The following ZXDC variants were observed in gnomAD, a reference collection of about 807,000 sequenced individuals.
ZXDC encodes the protein ZXD family zinc finger C, also known as zinc finger protein ZXDC.
ZXDC carries 58 observed loss-of-function variants against 63.6 expected under a neutral mutation model. The observed-to-expected ratio is 0.91, with a 90% CI of 0.74 to 1.13. The LOEUF is 1.13. ZXDC is among the 50% of genes most tolerant of loss of function. The pLI, the probability that ZXDC is intolerant of heterozygous loss-of-function variation, is 0.00. For synonymous variants in ZXDC, 561 were observed against 496.1 expected, an observed-to-expected ratio of 1.13 and a Z score of -1.74; for missense variants, 1,133 against 1,148.9, an observed-to-expected ratio of 0.99 and a Z score of 0.20.
chr3:126,465,996 T>A (rs954324457), intron 5 of ZXDC, among the ~76,000 whole-genome samples, 159 bp downstream of exon 5: 1 of 152,148 alleles, frequency 6.6e-6, no homozygotes, highest in Admixed American at 6.5e-5. Flanking sequence ...GGCAAGAAAG[T>A]GGCAGAGAGT....
intron 7 of ZXDC, chr3:126,451,812 T>C (rs1054023803): frequency 1.3e-5 from 13 of 985,262 alleles, no homozygotes; most frequent in Middle Eastern, 5.2e-4. Context: ...GCTGATACAC[T>C]CTGGGAAATG....
rs377138450 is a variant in ZXDC at position 126,438,498 on chromosome 3, G to A, written c.2491-37C>T. ...AGCATTGTCATGAAGAGGGAGGAGG[G>A]AGGGGAGGCAGAGGGATCCTGTGGC... On this transcript the variant is annotated intron_variant, in intron 9 of 9. Coordinates refer to ENST00000389709, the MANE Select transcript of ZXDC (RefSeq NM_025112.5). 3.1e-6 allele frequency: 5 copies of A among 1,592,128 alleles called. No individual in the cohort carries two copies. The African/African-American group carries it at 5.4e-5, about 17-fold the overall frequency.
intron 5 of ZXDC, among the ~76,000 whole-genome samples, chr3:126,464,101 G>A (rs1934659199): frequency 6.6e-6 from 1 of 152,220 alleles, no homozygotes; most frequent in Non-Finnish European, 1.5e-5. Flanking sequence ...TCCCTGTGAA[G>A]AGATCATGAA....
chr3:126,439,845 T>C (rs1576657060), intron 8 of ZXDC, 118 bp from the exon 9 acceptor site: 1 of 1,453,852 alleles, frequency 6.9e-7, no homozygotes, highest in Non-Finnish European at 9.0e-7. Flanking sequence ...CCACCCCCTG[T>C]ATTCCAAGGG....
intron 1 of ZXDC, among the ~76,000 whole-genome samples, chr3:126,473,330 T>A (rs1935047045): frequency 6.6e-6 from 1 of 152,148 alleles, no homozygotes; most frequent in South Asian, 2.1e-4. Flanking sequence ...CCCTCATCAT[T>A]CCCACTCCCT....
chr3:126,467,278 G>A lies in ZXDC; in HGVS notation c.1271-953C>T, dbSNP rs1232689250. ...GGCAGCAGTGCAGGCACCCCAGCCT[G>A]GGTTCCAGTTCAGCCTCTTACCAGC... On this transcript the variant is annotated intron_variant, in intron 4 of 9. Coordinates refer to ENST00000389709, the MANE Select transcript of ZXDC (RefSeq NM_025112.5). Among the ~76,000 whole-genome samples the A allele has an allele frequency of 2.0e-5, 3 of 151,956 alleles. No homozygotes were observed. The East Asian group carries it at 5.9e-4, about 30-fold the overall frequency.
chr3:126,474,890 G>T (rs1935122683), intron 1 of ZXDC, 69 bp downstream of exon 1: 4 of 1,484,334 alleles, frequency 2.7e-6, no homozygotes, highest in Non-Finnish European at 3.6e-6. Flanking sequence ...CCCCTCTGTG[G>T]GGCGGACGTG....
intron 4 of ZXDC, among the ~76,000 whole-genome samples, chr3:126,467,752 T>C (rs1345319836): frequency 1.3e-5 from 2 of 152,112 alleles, no homozygotes; most frequent in Non-Finnish European, 2.9e-5. Context: ...CTGCTCACCA[T>C]GGTACACAGG....
rs1196760760 is a variant in ZXDC at position 126,475,442 on chromosome 3, G to A, written c.424C>T (p.Arg142Cys). Residue 142 changes from arginine (R) to cysteine (C), a missense_variant, in exon 1 of 10, where the codon CGC becomes TGC. Arg to Cys is a radical substitution (Grantham distance 180). Coordinates refer to ENST00000389709, the MANE Select transcript of ZXDC (RefSeq NM_025112.5). Reference protein sequence around the residue: ...SSQDLLVRLDRGVLALSAPPG... With the variant: ...SSQDLLVRLDCGVLALSAPPG... ...GGCGCAGACAGCGCGAGGACGCCGC[G>A]GTCGAGACGCACCAGCAGGTCCTGG... The A allele has an allele frequency of 5.0e-6, 6 of 1,191,114 alleles. No homozygotes were observed. Among genetic ancestry groups the A allele is most frequent in the East Asian group, 3.7e-5 (1 of 27,032 alleles). 73.8% of individuals were successfully genotyped at this position (1,191,114 alleles called of 1,614,324 possible). A position where few individuals can be genotyped will look rare whatever the true frequency, so the allele number is the denominator to read the frequency against.
At chr3:126,469,497 GC>G (rs1347644857) in intron 4 of ZXDC, among the ~76,000 whole-genome samples, 4 of 152,132 alleles carry the variant, frequency 2.6e-5, no homozygotes, top group African/African-American at 4.8e-5. Flanking sequence ...TGCTATTGAT[GC>G]CCCTTTCTCT....
At chr3:126,457,509 C>T (rs1934354384) in intron 7 of ZXDC, 3 of 985,324 alleles carry the variant, frequency 3.0e-6, no homozygotes. Context: ...TCTCCTGCTG[C>T]ACTCACACAC....
At chr3:126,450,126 CCA>C (rs1476502209) in intron 7 of ZXDC, 2 of 349,888 alleles carry the variant, frequency 5.7e-6, no homozygotes, top group Admixed American at 7.7e-5. Flanking sequence ...GAAGTGATGT[CCA>C]GAGTCTGCAA....
At chr3:126,444,985 C>T (rs1271327555) in intron 7 of ZXDC, among the ~76,000 whole-genome samples, 1 of 152,062 alleles carries the variant, frequency 6.6e-6, no homozygotes, top group East Asian at 1.9e-4. Flanking sequence ...TAGGCTGTAA[C>T]GAGAATATCT....
chr3:126,461,238 AC>A (rs1238844224), intron 6 of ZXDC: 1 of 1,152,100 alleles, frequency 8.7e-7, no homozygotes, highest in Non-Finnish European at 1.1e-6. Context: ...ACATTACAAA[AC>A]CCCCAATCTT....
Position 126,438,477 on chromosome 3 carries a change from T to C in ZXDC, c.2491-16A>G, listed in dbSNP as rs762699109. The C allele has an allele frequency of 1.1e-5, 18 of 1,611,710 alleles. No homozygotes were observed. Among genetic ancestry groups the C allele is most frequent in the Non-Finnish European group, 1.4e-5 (16 of 1,178,738 alleles). ...GGAGCACCTCCTGCAAAACCAAGCA[T>C]TGTCATGAAGAGGGAGGAGGGAGGG... On this transcript the variant is annotated splice_polypyrimidine_tract_variant and intron_variant, in intron 9 of 9. Transcript: ENST00000389709.
chr3:126,475,369 T>C lies in ZXDC; in HGVS notation c.497A>G (p.Gln166Arg), dbSNP rs975003540. Residue 166 changes from glutamine (Q) to arginine (R), a missense_variant, in exon 1 of 10, where the codon CAG becomes CGG. Gln to Arg is a conservative substitution (Grantham distance 43). Transcript: ENST00000389709. ...GCCGGGCGTGCTGGGGCCGGAGGCCTGGGGCGCGCGGCGGGGAGCGGCGGC... is the reference window on the plus strand; with the variant it reads ...GCCGGGCGTGCTGGGGCCGGAGGCCCGGGGCGCGCGGCGGGGAGCGGCGGC... ...AGAAAPRRAP[Q>R]ASGPSTPGYR... is the part of the protein sequence containing the mutation. 7.1e-6 allele frequency: 9 copies of C among 1,269,674 alleles called. No individual in the cohort carries two copies. The highest frequency in any genetic ancestry group is 8.9e-6 in the Non-Finnish European group (9 of 1,006,474). The allele number at this position is 1,269,674 out of a possible 1,614,324, so 78.7% of individuals were successfully genotyped here.
rs764664497 is a variant in ZXDC at position 126,466,162 on chromosome 3, C to A, written c.1434G>T (p.Arg478=). The A allele has an allele frequency of 6.2e-7, 1 of 1,612,728 alleles. No individual in the cohort carries two copies. The highest frequency in any genetic ancestry group is 2.2e-5 in the East Asian group (1 of 44,856). Reference sequence around the variant, plus strand: ...GCCGTGGAAAGTGCAGACCTTGGCGCCGGCTGTGCTGTCTGACCATGTGCG... The same window carrying A: ...GCCGTGGAAAGTGCAGACCTTGGCGACGGCTGTGCTGTCTGACCATGTGCG... ...MKAHMVRQHS[R]RQDLLPQLEA... The change falls in exon 5 of 10, where the codon CGG becomes CGT. Residue 478 remains arginine (R), a synonymous_variant. Coordinates refer to ENST00000389709, the MANE Select transcript of ZXDC (RefSeq NM_025112.5).
At chr3:126,465,436 T>C (rs1369927189) in intron 5 of ZXDC, among the ~76,000 whole-genome samples, 2 of 152,204 alleles carry the variant, frequency 1.3e-5, no homozygotes, top group African/African-American at 2.4e-5. Context: ...CTTTCCTCTC[T>C]AACCCTGCCC....
chr3:126,441,455 G>C (rs1165976726), intron 8 of ZXDC: 1 of 1,164,152 alleles, frequency 8.6e-7, no homozygotes, highest in African/African-American at 1.6e-5. Flanking sequence ...AACAGCCCTG[G>C]GGGCCTCGGG....
Sources: allele counts gnomAD v4.1 joint callset (sites outside exome capture counted in the v4.1 genomes callset), GRCh38; gene constraint gnomAD v4.1.1; transcripts MANE v1.5; gene names NCBI Gene and HGNC (gene_info 2026-07-23, HGNC 2026-07-21).